The following IPO8 variants were observed in gnomAD, a reference collection of about 807,000 sequenced individuals.
IPO8 encodes importin-8.
Under a neutral mutation model 141.2 loss-of-function variants are expected in IPO8, and 65 were observed. That is an observed-to-expected ratio of 0.46 (90% confidence interval 0.38 to 0.57). IPO8 has a LOEUF of 0.57. Among genes scored for constraint, IPO8 ranks in the 20% least tolerant of loss-of-function variants. The pLI, the probability that IPO8 is intolerant of heterozygous loss-of-function variation, is 0.00. For synonymous variants in IPO8, 411 were observed against 420.3 expected (o/e 0.98, Z 0.27); for missense variants, 980 against 1,246.8 (o/e 0.79, Z 3.22).
At chr12:30,639,783 C>T (rs781382537) in intron 20 of IPO8, 48 bp from the exon 21 acceptor site, 1 of 1,385,232 alleles carries the variant, frequency 7.2e-7, no homozygotes, top group Non-Finnish European at 1.0e-6. Context: ...GCCCAAGTAA[C>T]TTTTATAGAA....
At position 30,663,656 on chromosome 12, in the gene IPO8, T is replaced by C; in HGVS notation, c.1429-2A>G. The C allele has an allele frequency of 6.3e-7, 1 of 1,595,048 alleles. No individual in the cohort carries two copies. Among genetic ancestry groups the C allele is most frequent in the African/African-American group, 1.3e-5 (1 of 74,350 alleles). ...AAATGCATGAAGTACCCAGCAAGAC[T>C]GTATTATTAAAAAAGGTAAGTAGGG... is the stretch of plus-strand genomic sequence containing the variant. On this transcript the variant is annotated splice_acceptor_variant, in intron 13 of 24. Transcript: ENST00000256079. LOFTEE classifies it high-confidence loss of function.
intron 2 of IPO8, among the ~76,000 whole-genome samples, chr12:30,689,616 T>C (rs528644354): frequency 7.9e-5 from 12 of 152,210 alleles, no homozygotes; most frequent in Non-Finnish European, 1.5e-4. Flanking sequence ...CAAATCAAAT[T>C]AAATACTTTC....
Position 30,695,446 on chromosome 12 carries a change from G to A in IPO8, c.84+118C>T, listed in dbSNP as rs2053329641. On this transcript the variant is annotated intron_variant, in intron 1 of 24. Transcript: ENST00000256079. The surrounding 1 kb of genome is among the most constrained non-coding windows in gnomAD (Gnocchi z 4.2). The stretch of plus-strand genomic sequence containing the variant: ...GGGGTCGGAGAGCGGGACCAGCCGT[G>A]AGGCGTCAGCCCCAGCCCGGTGGGG... The A allele has an allele frequency of 1.2e-6, 1 of 807,398 alleles. No individual in the cohort carries two copies. The highest frequency in any genetic ancestry group is 2.0e-6 in the Non-Finnish European group (1 of 491,372). The allele number at this position is 807,398 out of a possible 1,614,324, so 50.0% of individuals were successfully genotyped here.
At chr12:30,684,696 C>T (rs1450226204) in intron 2 of IPO8, among the ~76,000 whole-genome samples, 1 of 152,180 alleles carries the variant, frequency 6.6e-6, no homozygotes, top group Non-Finnish European at 1.5e-5. Context: ...GCTTACAGGA[C>T]AGGAAAATTA....
chr12:30,681,147 A>G (rs1162086095), intron 4 of IPO8, among the ~76,000 whole-genome samples: 1 of 152,180 alleles, frequency 6.6e-6, no homozygotes, highest in Non-Finnish European at 1.5e-5. Flanking sequence ...TAGTCAGTTT[A>G]AAAGGAGAAC....
intron 13 of IPO8, among the ~76,000 whole-genome samples, chr12:30,664,689 A>G (rs1322611237): frequency 7.9e-5 from 12 of 152,228 alleles, no homozygotes; most frequent in Non-Finnish European, 1.6e-4. Flanking sequence ...ATATGCAGCA[A>G]GTGAGGCTAG....
intron 2 of IPO8, among the ~76,000 whole-genome samples, chr12:30,687,994 C>T (rs576563134): frequency 4.6e-5 from 7 of 152,086 alleles, no homozygotes; most frequent in Non-Finnish European, 1.0e-4. Flanking sequence ...CTCTCAACCA[C>T]CACTTTTAAA....
chr12:30,648,034 AAC>A (rs1423287856), intron 20 of IPO8, among the ~76,000 whole-genome samples: 1 of 152,232 alleles, frequency 6.6e-6, no homozygotes, highest in Non-Finnish European at 1.5e-5. Context: ...CTGCTTTAAA[AAC>A]AGTTTGACAG....
intron 5 of IPO8, among the ~76,000 whole-genome samples, chr12:30,678,453 G>A (rs2053150492): frequency 6.6e-6 from 1 of 152,134 alleles, no homozygotes; most frequent in South Asian, 2.1e-4. Context: ...ACAGTAACAT[G>A]TACAGGTTTG....
intron 20 of IPO8, among the ~76,000 whole-genome samples, chr12:30,642,826 A>T (rs926247548): frequency 1.8e-4 from 28 of 152,216 alleles, no homozygotes; most frequent in African/African-American, 6.5e-4. Context: ...ACTACCAAAG[A>T]CTATTAGAAT....
At chr12:30,676,801 C>T in intron 5 of IPO8, 2 of 925,030 alleles carry the variant, frequency 2.2e-6, no homozygotes, top group African/African-American at 1.7e-5. Context: ...TGAGTTGTTT[C>T]TTGGGTCTAC....
chr12:30,671,240 TC>T (rs1433837595), intron 8 of IPO8, 144 bp from the exon 9 acceptor site: 1 of 588,930 alleles, frequency 1.7e-6, no homozygotes, highest in Non-Finnish European at 3.0e-6. Flanking sequence ...GTAAGAAAGC[TC>T]AGATAAACAG....
chr12:30,629,184 T>C lies in IPO8; in HGVS notation c.*1676A>G, dbSNP rs1319076102. 1 of 152,120 alleles carries C rather than the reference T, an allele frequency of 6.6e-6. No homozygotes were observed. Among genetic ancestry groups the C allele is most frequent in the African/African-American group, 2.4e-5 (1 of 41,436 alleles). The allele number at this position is 152,120 out of a possible 1,614,324, so 9.4% of individuals were successfully genotyped here. A position where few individuals can be genotyped will look rare whatever the true frequency, so the allele number is the denominator to read the frequency against. On this transcript the variant is annotated 3_prime_UTR_variant, in exon 25 of 25. Transcript: ENST00000256079. ...CTGCAGAAGACAATACATCACAAAA[T>C]AAAATCTCAAAAATCACATGCCTTT...
chr12:30,686,135 T>C (rs2053240148), intron 2 of IPO8, among the ~76,000 whole-genome samples: 1 of 152,136 alleles, frequency 6.6e-6, no homozygotes, highest in South Asian at 2.1e-4. Flanking sequence ...GGGATGTGTG[T>C]TAGAGTTTTC....
At chr12:30,668,164 T>G (rs995040656) in intron 10 of IPO8, among the ~76,000 whole-genome samples, 2 of 152,162 alleles carry the variant, frequency 1.3e-5, no homozygotes, top group Admixed American at 6.5e-5. Flanking sequence ...ATATGAATAA[T>G]GATTTTCAAA....
At chr12:30,634,413 TA>T in intron 22 of IPO8, 127 bp from the exon 23 acceptor site, 1 of 668,152 alleles carries the variant, frequency 1.5e-6, no homozygotes, top group East Asian at 2.8e-5. Context: ...AAAATTTTAA[TA>T]AAAATAAATC....
chr12:30,666,315 C>CAGT (rs760006123), intron 10 of IPO8, 64 bp from the exon 11 acceptor site: 1 of 1,218,228 alleles, frequency 8.2e-7, no homozygotes, highest in Non-Finnish European at 1.2e-6. Flanking sequence ...AGATTTTAAA[C>CAGT]CTGACTGACC....
At chr12:30,675,046 G>A (rs566944458) in intron 6 of IPO8, among the ~76,000 whole-genome samples, 1 of 151,884 alleles carries the variant, frequency 6.6e-6, no homozygotes, top group East Asian at 1.9e-4. Context: ...ATGATGAAAG[G>A]GTTCTACATT....
At chr12:30,635,794 A>G (rs1341363546) in intron 22 of IPO8, among the ~76,000 whole-genome samples, 1 of 152,100 alleles carries the variant, frequency 6.6e-6, no homozygotes, top group African/African-American at 2.4e-5. Context: ...TGCATGGCAA[A>G]TTATAACTAT....
Sources: gnomAD v4.1 joint callset for allele counts (sites outside exome capture counted in the v4.1 genomes callset) on GRCh38, gnomAD v4.1.1 for gene constraint, Gnocchi (gnomAD v3.1) non-coding constraint, MANE v1.5 for transcripts, NCBI Gene and HGNC (gene_info 2026-07-23, HGNC 2026-07-21) for gene names.